COL11A2: variants seen among roughly 807,000 people sequenced by gnomAD.
COL11A2 encodes collagen alpha-2(XI) chain.
COL11A2 carries 116 observed loss-of-function variants against 273.4 expected under a neutral mutation model. The observed-to-expected ratio is 0.42, with a 90% CI of 0.36 to 0.49. The LOEUF (loss-of-function observed/expected upper bound fraction) is 0.49. Among genes scored for constraint, COL11A2 ranks in the 20% least tolerant of loss-of-function variants. COL11A2 has a pLI of 0.00. For missense variants in COL11A2, 1,866 were observed against 2,309.0 expected (o/e 0.81, Z 3.93); for synonymous variants, 782 against 864.2 (o/e 0.90, Z 1.67).
intron 30 of COL11A2, among the ~76,000 whole-genome samples, chr6:33,175,181 A>T (rs980815397): frequency 8.5e-5 from 13 of 152,210 alleles, no homozygotes; most frequent in African/African-American, 2.9e-4. Context: ...ACCTCATAGG[A>T]TAGATAGGAC....
rs1444532482 is a variant in COL11A2 at position 33,176,346 on chromosome 6, G to C, written c.2170-43C>G. On this transcript the variant is annotated intron_variant, in intron 27 of 65. Transcript: ENST00000341947. The surrounding 1 kb of genome is among the most constrained non-coding windows in gnomAD (Gnocchi z 4.9). ...ATAGAAGTAGACTGATCAGGGGATG[G>C]AGGTGGGTTGGAAGGACCAAGCTCC... The C allele has an allele frequency of 6.2e-7, 1 of 1,601,350 alleles. No homozygotes were observed. Among genetic ancestry groups the C allele is most frequent in the Non-Finnish European group, 8.5e-7 (1 of 1,173,516 alleles).
Position 33,171,100 on chromosome 6 carries a change from G to A in COL11A2, c.3366+14C>T, listed in dbSNP as rs1339795281. On this transcript the variant is annotated intron_variant, in intron 45 of 65. Coordinates refer to ENST00000341947, the MANE Select transcript of COL11A2 (RefSeq NM_080680.3). ...GGCTGCTGGGCCTTCGGTGGGGGTG[G>A]AGGGGTCACTCACCGCTGCTCCAGG... 61 of 1,574,756 alleles carry A rather than the reference G, an allele frequency of 3.9e-5. No individual in the cohort carries two copies. The highest frequency in any genetic ancestry group is 4.9e-5 in the Non-Finnish European group (57 of 1,159,382).
In COL11A2 at chr6:33,166,521, CG is replaced by C; in HGVS notation, c.4383del (p.Gly1462AlafsTer39). On this transcript the variant is annotated frameshift_variant, in exon 60 of 66. Transcript: ENST00000341947. LOFTEE classifies it high-confidence loss of function. The surrounding 1 kb of genome is among the most constrained non-coding windows in gnomAD (Gnocchi z 4.8). ...ASGPIGPGGPPGLPGPAGPKG... is the reference protein window; with the variant it reads ...ASGPIGPGGPXGLPGPAGPKG... ...ACAGAGGCAGTACTCACGGGGAGGC[CG>C]GGGGGACCTCCAGGACCAATGGGGC... 1 of 1,613,494 alleles carries C rather than the reference CG, an allele frequency of 6.2e-7. No homozygotes were observed.
Position 33,164,772 on chromosome 6 carries a change from T to A in COL11A2, c.4863+80A>T. The A allele has an allele frequency of 7.9e-7, 1 of 1,264,220 alleles. No homozygotes were observed. The highest frequency in any genetic ancestry group is 1.1e-6 in the Non-Finnish European group (1 of 904,016). The allele number at this position is 1,264,220 out of a possible 1,614,324, so 78.3% of individuals were successfully genotyped here. A position where few individuals can be genotyped will look rare whatever the true frequency, so the allele number is the denominator to read the frequency against. On this transcript the variant is annotated intron_variant, in intron 64 of 65. Coordinates refer to ENST00000341947, the MANE Select transcript of COL11A2 (RefSeq NM_080680.3). This position sits in a 1 kb window ranked among gnomAD's most constrained non-coding sequence, Gnocchi z 4.7. ...GGGGGGGGCAACAGCCAGGGGACTG[T>A]CACCAAAACCCAGAAACCACTAAGC...
chr6:33,187,759 A>C (rs918014913), intron 4 of COL11A2, among the ~76,000 whole-genome samples: 1 of 146,844 alleles, frequency 6.8e-6, no homozygotes, highest in Admixed American at 6.9e-5. Flanking sequence ...GAGTATATTG[A>C]AGGAGGGAGT....
In COL11A2 at chr6:33,169,554, G is replaced by A; in HGVS notation, c.3691-64C>T. On this transcript the variant is annotated intron_variant, in intron 50 of 65. Coordinates refer to ENST00000341947, the MANE Select transcript of COL11A2 (RefSeq NM_080680.3). This position sits in a 1 kb window ranked among gnomAD's most constrained non-coding sequence, Gnocchi z 5.5. ...CTTGAAGATCAGGGATGCAGCCTCTGCTTCCGAGACACCTTCAGCCATCCC... is the reference window on the plus strand; with the variant it reads ...CTTGAAGATCAGGGATGCAGCCTCTACTTCCGAGACACCTTCAGCCATCCC... 6.6e-7 allele frequency: 1 copy of A among 1,506,328 alleles called. No individual in the cohort carries two copies. Among genetic ancestry groups the A allele is most frequent in the Non-Finnish European group, 9.2e-7 (1 of 1,087,966 alleles). 93.3% of individuals were successfully genotyped at this position (1,506,328 alleles called of 1,614,324 possible).
rs774397857 is a variant in COL11A2 at position 33,176,209 on chromosome 6, G to A, written c.2214+50C>T. 1.2e-6 allele frequency: 2 copies of A among 1,608,356 alleles called. No homozygotes were observed. The highest frequency in any genetic ancestry group is 1.7e-6 in the Non-Finnish European group (2 of 1,176,704). On this transcript the variant is annotated intron_variant, in intron 28 of 65. Transcript: ENST00000341947. The surrounding 1 kb of genome is among the most constrained non-coding windows in gnomAD (Gnocchi z 4.9). ...CAGGCTGGAGGGAAGGCAGTGAAGA[G>A]AGGAGATGGCAGGACTGAGGTGCTG...
At position 33,165,992 on chromosome 6, in the gene COL11A2, G is replaced by A. The variant is rs539178762; in HGVS notation, c.4429-8C>T. ...CTTGGGTCCGCCTGGGCCCTGACAA[G>A]GAATAAATCAGGTCATGGAGGGGTC... On this transcript the variant is annotated splice_polypyrimidine_tract_variant and splice_region_variant and intron_variant, in intron 61 of 65. Coordinates refer to ENST00000341947, the MANE Select transcript of COL11A2 (RefSeq NM_080680.3). This position sits in a 1 kb window ranked among gnomAD's most constrained non-coding sequence, Gnocchi z 7.7. The A allele has an allele frequency of 9.9e-6, 16 of 1,614,010 alleles. No individual in the cohort carries two copies. The African/African-American group carries it at 2.1e-4, about 22-fold the overall frequency.
chr6:33,172,460 A>G, intron 39 of COL11A2, 70 bp downstream of exon 39: 1 of 1,567,198 alleles, frequency 6.4e-7, no homozygotes, highest in Non-Finnish European at 8.8e-7. Context: ...TCAAATCTCC[A>G]ACTACCTGTT....
Position 33,164,916 on chromosome 6 carries a change from C to G in COL11A2, c.4799G>C (p.Arg1600Pro). The G allele has an allele frequency of 1.9e-6, 3 of 1,581,408 alleles. No homozygotes were observed. The highest frequency in any genetic ancestry group is 2.3e-5 in the South Asian group (2 of 86,502). Residue 1600 changes from arginine (R) to proline (P), a missense_variant, in exon 64 of 66, where the codon CGA becomes CCA. Transcript: ENST00000341947. This position sits in a 1 kb window ranked among gnomAD's most constrained non-coding sequence, Gnocchi z 4.7. ...CCCTGCTGTGAAGTTGCAGAAAACT[C>G]GGAAGGCATCCCGAGCACAGCCCTG... ...PNQGCARDAF[R>P]VFCNFTAGGE...
rs557164706 is a variant in COL11A2, at chr6:33,175,580, G to A, written c.2370C>T (p.Gly790=). ...TGDPGPPGLM[G]EKGKLGVPGL... ...AGAACCCTCATCCCATCACCTTCTC[G>A]CCCATGAGCCCTGGGGGCCCAGGGT... Residue 790 remains glycine, a synonymous_variant, in exon 30 of 66, where the codon GGC becomes GGT. Transcript: ENST00000341947. The A allele has an allele frequency of 6.8e-6, 11 of 1,612,486 alleles. No individual in the cohort carries two copies. Among genetic ancestry groups the A allele is most frequent in the East Asian group, 2.2e-5 (1 of 44,866 alleles).
At position 33,165,975 on chromosome 6, in the gene COL11A2, C is replaced by T. The variant is rs1172866556; in HGVS notation, c.4438G>A (p.Gly1480Arg). The change falls in exon 62 of 66, where the codon GGA becomes AGA. Residue 1480 changes from glycine (G) to arginine (R), a missense_variant. Coordinates refer to ENST00000341947, the MANE Select transcript of COL11A2 (RefSeq NM_080680.3). The surrounding 1 kb of genome is among the most constrained non-coding windows in gnomAD (Gnocchi z 7.7). ...TGCACACCCTTCTCTCCCTTGGGTC[C>T]GCCTGGGCCCTGACAAGGAATAAAT... ...KGAKGATGPGGPKGEKGVQGP... is the reference protein window; with the variant it reads ...KGAKGATGPGRPKGEKGVQGP... 2 of 1,614,020 alleles carry T rather than the reference C, an allele frequency of 1.2e-6. No individual in the cohort carries two copies. The highest frequency in any genetic ancestry group is 1.6e-4 in the Middle Eastern group (1 of 6,062).
At chr6:33,175,383 T>C in intron 30 of COL11A2, 191 bp downstream of exon 30, 1 of 697,866 alleles carries the variant, frequency 1.4e-6, no homozygotes. Flanking sequence ...GTCAGGGACT[T>C]TTCCCTGACT....
Position 33,185,012 on chromosome 6 carries a change from G to C in COL11A2, c.919C>G (p.Leu307Val), listed in dbSNP as rs1490717876. 1.3e-6 allele frequency: 2 copies of C among 1,551,224 alleles called. No individual in the cohort carries two copies. The highest frequency in any genetic ancestry group is 1.4e-5 in the African/African-American group (1 of 73,036). The change falls in exon 7 of 66, where the codon CTC (leucine) becomes GTC (valine). Residue 307 changes from leucine (L) to valine (V), a missense_variant. By Grantham distance (32) the Leu-to-Val change is conservative. Transcript: ENST00000341947. ...GEEEEILESSLLPPLEEEQTD... is the reference protein window; with the variant it reads ...GEEEEILESSVLPPLEEEQTD... The stretch of plus-strand genomic sequence containing the variant: ...GTTACCTCCTCAAGGGGTGGCAAGA[G>C]GCTCGACTCCAGGATTTCTTCCTCT...
At chr6:33,186,985 T>C (rs1038679634) in intron 4 of COL11A2, among the ~76,000 whole-genome samples, 167 bp from the exon 5 acceptor site, 3 of 152,198 alleles carry the variant, frequency 2.0e-5, no homozygotes, top group Admixed American at 2.0e-4. Context: ...AGGGATCTCA[T>C]AGGACCTTCA....
At chr6:33,192,582 C>A (rs1305307384), upstream of COL11A2, 2 of 447,506 alleles carry the variant, frequency 4.5e-6, no homozygotes, top group Non-Finnish European at 4.0e-6. Context: ...TCAGTCTCCA[C>A]CTGGGGAGGG....
At position 33,174,159 on chromosome 6, in the gene COL11A2, G is replaced by C. The variant is rs554710956; in HGVS notation, c.2484+6C>G. On this transcript the variant is annotated splice_donor_region_variant and intron_variant, in intron 32 of 65. Transcript: ENST00000341947. ...CCTTCTCACGCCCTCCCACCCCCCA[G>C]CTTACCCGGGCTCCCTTCTCTCCAC... 38 of 1,586,010 alleles carry C rather than the reference G, an allele frequency of 2.4e-5. No individual in the cohort carries two copies. In the South Asian group the frequency reaches 4.2e-4, roughly 18 times the overall value.
In COL11A2 at chr6:33,170,183, G is replaced by T. The variant is rs957934184; in HGVS notation, c.3583-83C>A. ...CAAAGTCCCAGATGAGCAGCCCAAG[G>T]TTACAGCAGTGAGGCAGTGGAGGCC... is the stretch of plus-strand genomic sequence containing the variant. On this transcript the variant is annotated intron_variant, in intron 48 of 65. Coordinates refer to ENST00000341947, the MANE Select transcript of COL11A2 (RefSeq NM_080680.3). The surrounding 1 kb of genome is among the most constrained non-coding windows in gnomAD (Gnocchi z 4.3). 1.3e-6 allele frequency: 2 copies of T among 1,597,474 alleles called. No individual in the cohort carries two copies. Among genetic ancestry groups the T allele is most frequent in the African/African-American group, 1.3e-5 (1 of 74,544 alleles).
intron 38 of COL11A2, 68 bp downstream of exon 38, chr6:33,172,992 C>A: frequency 1.3e-6 from 2 of 1,538,904 alleles, no homozygotes; most frequent in Non-Finnish European, 1.8e-6. Flanking sequence ...GGCGTGTGAC[C>A]GAGAGAAGAG....
Sources: gnomAD v4.1 joint callset for allele counts (sites outside exome capture counted in the v4.1 genomes callset) on GRCh38, gnomAD v4.1.1 for gene constraint, Gnocchi (gnomAD v3.1) non-coding constraint, MANE v1.5 for transcripts, NCBI Gene and HGNC (gene_info 2026-07-23, HGNC 2026-07-21) for gene names.